The following GMDS variants were observed in gnomAD, a reference collection of about 807,000 sequenced individuals.
GMDS encodes GDP-mannose 4,6 dehydratase.
In GMDS, 20 loss-of-function variants were observed where a neutral mutation model predicts 49.9. The observed-to-expected ratio is 0.40, with a 90% CI of 0.28 to 0.58. The LOEUF (loss-of-function observed/expected upper bound fraction) is 0.58. Among genes scored for constraint, GMDS ranks in the 20% least tolerant of loss-of-function variants. GMDS has a pLI of 0.42. For missense variants in GMDS, 362 were observed against 481.4 expected (o/e 0.75, Z 2.32); for synonymous variants, 177 against 178.6 (o/e 0.99, Z 0.07).
chr6:1,645,541 G>A (rs1763460602), intron 9 of GMDS, among the ~76,000 whole-genome samples: 1 of 152,222 alleles, frequency 6.6e-6, no homozygotes, highest in Admixed American at 6.5e-5. Context: ...TCCCTGTGCT[G>A]TCCTTGCCTT....
chr6:2,040,858 CT>C (rs1769632962), intron 4 of GMDS, among the ~76,000 whole-genome samples: 1 of 152,232 alleles, frequency 6.6e-6, no homozygotes, highest in African/African-American at 2.4e-5. Flanking sequence ...TCCAATCACA[CT>C]TGTGTAGACT....
At chr6:1,711,881 C>T (rs1006412402) in intron 9 of GMDS, among the ~76,000 whole-genome samples, 6 of 152,174 alleles carry the variant, frequency 3.9e-5, no homozygotes, top group Non-Finnish European at 8.8e-5. Context: ...AGGCCCCACC[C>T]GAGCACCAGC....
chr6:2,151,929 T>C (rs1271381969), intron 1 of GMDS, among the ~76,000 whole-genome samples: 1 of 152,178 alleles, frequency 6.6e-6, no homozygotes, highest in East Asian at 1.9e-4. Context: ...AAATATTTCA[T>C]GTTACCTTAC....
At chr6:1,765,198 G>A (rs966496028) in intron 7 of GMDS, among the ~76,000 whole-genome samples, 6 of 152,016 alleles carry the variant, frequency 3.9e-5, no homozygotes, top group South Asian at 4.1e-4. Context: ...TTTTGGAACC[G>A]GATTCTAACT....
At chr6:1,945,566 C>T (rs952096844) in intron 6 of GMDS, among the ~76,000 whole-genome samples, 1 of 152,180 alleles carries the variant, frequency 6.6e-6, no homozygotes, top group East Asian at 1.9e-4. Context: ...TATGCACATA[C>T]GGTTACAGAG....
intron 4 of GMDS, among the ~76,000 whole-genome samples, chr6:2,092,719 T>C (rs1047200530): frequency 6.6e-5 from 10 of 152,088 alleles, no homozygotes; most frequent in African/African-American, 2.4e-4. Context: ...CCGACATGCC[T>C]AAAAAAGTGC....
intron 4 of GMDS, among the ~76,000 whole-genome samples, chr6:2,017,681 A>T (rs971296196): frequency 3.2e-4 from 49 of 152,224 alleles, no homozygotes; most frequent in Non-Finnish European, 1.5e-5. Flanking sequence ...CCATTTATAA[A>T]TTTTTACTGC....
intron 1 of GMDS, among the ~76,000 whole-genome samples, chr6:2,236,870 T>C (rs1275409624): frequency 1.3e-5 from 2 of 152,194 alleles, no homozygotes; most frequent in African/African-American, 4.8e-5. Flanking sequence ...ATAATATATA[T>C]ATAATACAAC....
At chr6:2,217,668 G>C (rs1414519104) in intron 1 of GMDS, among the ~76,000 whole-genome samples, 1 of 152,138 alleles carries the variant, frequency 6.6e-6, no homozygotes, top group East Asian at 1.9e-4. Flanking sequence ...ACACACATAA[G>C]GCCTGGTATA....
intron 1 of GMDS, among the ~76,000 whole-genome samples, chr6:2,240,473 A>G (rs1018933618): frequency 6.6e-6 from 1 of 152,108 alleles, no homozygotes; most frequent in African/African-American, 2.4e-5. Flanking sequence ...GCAGTAATTC[A>G]AACACCTGTA....
At chr6:1,894,014 G>A (rs1246557669) in intron 7 of GMDS, among the ~76,000 whole-genome samples, 1 of 152,168 alleles carries the variant, frequency 6.6e-6, no homozygotes, top group Non-Finnish European at 1.5e-5. Flanking sequence ...GCACAGTTGG[G>A]AAAGTCAATA....
intron 7 of GMDS, among the ~76,000 whole-genome samples, chr6:1,845,604 T>C (rs995374642): frequency 1.3e-5 from 2 of 152,192 alleles, no homozygotes; most frequent in African/African-American, 4.8e-5. Context: ...GTCCCCATCC[T>C]TTTTGGCACC....
At chr6:2,045,769 C>A (rs1384451710) in intron 4 of GMDS, among the ~76,000 whole-genome samples, 2 of 147,782 alleles carry the variant, frequency 1.4e-5, no homozygotes, top group African/African-American at 2.5e-5. Flanking sequence ...TAGCCCCAGT[C>A]AAAAAAAAAA....
chr6:1,722,230 C>CTAA (rs1766409449), intron 9 of GMDS, among the ~76,000 whole-genome samples: 1 of 38,416 alleles, frequency 2.6e-5, no homozygotes, highest in South Asian at 1.7e-3. Context: ...CCCTCCCTGG[C>CTAA]TAATTATTAT....
chr6:1,643,387 C>A (rs1486619546), intron 9 of GMDS, among the ~76,000 whole-genome samples: 2 of 152,174 alleles, frequency 1.3e-5, no homozygotes, highest in African/African-American at 4.8e-5. Flanking sequence ...GCAGCTGAGC[C>A]CCCGAGGCTC....
chr6:2,170,120 T>C (rs985492695), intron 1 of GMDS, among the ~76,000 whole-genome samples: 4 of 151,986 alleles, frequency 2.6e-5, no homozygotes, highest in Non-Finnish European at 4.4e-5. Flanking sequence ...GGAGAATCGC[T>C]TGAACCCGGG....
intron 7 of GMDS, among the ~76,000 whole-genome samples, chr6:1,885,117 C>A (rs545370512): frequency 2.6e-5 from 4 of 152,014 alleles, no homozygotes; most frequent in African/African-American, 9.7e-5. Context: ...GGGATAAAGC[C>A]CTCGTTATGG....
intron 1 of GMDS, among the ~76,000 whole-genome samples, chr6:2,178,607 A>G (rs1404034728): frequency 6.6e-6 from 1 of 152,110 alleles, no homozygotes; most frequent in Non-Finnish European, 1.5e-5. Context: ...ACAAATCCAA[A>G]CCATATCAGG....
chr6:1,764,906 T>C (rs926293747), intron 7 of GMDS, among the ~76,000 whole-genome samples: 3 of 152,098 alleles, frequency 2.0e-5, no homozygotes, highest in Non-Finnish European at 4.4e-5. Context: ...TTCAAGAAAA[T>C]AAATTTGTAT....
Sources: gnomAD v4.1 joint callset for allele counts (sites outside exome capture counted in the v4.1 genomes callset) on GRCh38, gnomAD v4.1.1 for gene constraint, MANE v1.5 for transcripts, NCBI Gene and HGNC (gene_info 2026-07-23, HGNC 2026-07-21) for gene names.